ZNF138: variants seen among roughly 807,000 people sequenced by gnomAD.
ZNF138 encodes the protein zinc finger protein 138.
ZNF138 carries 33 observed loss-of-function variants against 33.0 expected under a neutral mutation model. The observed-to-expected ratio is 1.00, with a 90% CI of 0.76 to 1.34. ZNF138 has a LOEUF of 1.34. ZNF138 is among the 40% of genes most tolerant of loss of function. The pLI, the probability that ZNF138 is intolerant of heterozygous loss-of-function variation, is 0.00. For synonymous variants in ZNF138, 139 were observed against 120.4 expected (o/e 1.15, Z -1.01); for missense variants, 360 against 370.8 (o/e 0.97, Z 0.24).
chr7:64,804,990 T>A (rs6964400), intron 1 of ZNF138, among the ~76,000 whole-genome samples: 150,075 of 152,286 alleles, frequency 0.99, 73,988 homozygotes, highest in East Asian at 1. Flanking sequence ...AGACCCTATT[T>A]CTATCCCATG....
At chr7:64,842,092 C>T in the ZNF138 span, among the ~76,000 whole-genome samples, 1 of 152,204 alleles carries the variant, frequency 6.6e-6, no homozygotes, top group Non-Finnish European at 1.5e-5. Context: ...GAAATGGAAT[C>T]TTGCTCTGTC....
chr7:64,806,615 T>C (rs947809038), intron 1 of ZNF138, among the ~76,000 whole-genome samples: 1 of 152,210 alleles, frequency 6.6e-6, no homozygotes, highest in Non-Finnish European at 1.5e-5. Context: ...GCAAATTCTT[T>C]TAGTTACAAG....
At chr7:64,821,911 T>C (rs1046487012) in intron 3 of ZNF138, among the ~76,000 whole-genome samples, 6 of 123,900 alleles carry the variant, frequency 4.8e-5, no homozygotes, top group South Asian at 2.6e-4. Flanking sequence ...TTTGCAAATA[T>C]TGTCTTTTTT....
chr7:64,808,795 T>C (rs1187292179), intron 1 of ZNF138, among the ~76,000 whole-genome samples: 3 of 125,018 alleles, frequency 2.4e-5, no homozygotes, highest in African/African-American at 5.2e-5. Flanking sequence ...GTGATGACTC[T>C]TAGCTGCCTT....
chr7:64,821,991 T>C, intron 3 of ZNF138, among the ~76,000 whole-genome samples: 1 of 140,760 alleles, frequency 7.1e-6, no homozygotes, highest in Non-Finnish European at 1.5e-5. Context: ...CGATCTCAGC[T>C]CACTGCAAGC....
intron 1 of ZNF138, among the ~76,000 whole-genome samples, chr7:64,800,091 G>C (rs538973530): frequency 6.6e-6 from 1 of 152,330 alleles, no homozygotes; most frequent in East Asian, 1.9e-4. Flanking sequence ...ACAGAAAAGA[G>C]AAGAACTTTT....
chr7:64,798,140 C>G (rs1198430328), intron 1 of ZNF138, among the ~76,000 whole-genome samples: 2 of 152,128 alleles, frequency 1.3e-5, no homozygotes, highest in African/African-American at 4.8e-5. Flanking sequence ...GGGGTTTTGC[C>G]ATATTGGCCA....
intron 1 of ZNF138, among the ~76,000 whole-genome samples, chr7:64,812,850 CTTTTT>C (rs34197599): frequency 7.7e-5 from 11 of 142,060 alleles, no homozygotes; most frequent in Admixed American, 1.4e-4. Flanking sequence ...AAAAAATTGC[CTTTTT>C]TTTTTTTTTT....
the ZNF138 span, among the ~76,000 whole-genome samples, chr7:64,850,246 G>A: frequency 6.6e-6 from 1 of 152,178 alleles, no homozygotes; most frequent in African/African-American, 2.4e-5. Context: ...GTGTTCAAGG[G>A]CAGACTATCC....
At chr7:64,845,428 C>T in the ZNF138 span, among the ~76,000 whole-genome samples, 9 of 152,094 alleles carry the variant, frequency 5.9e-5, no homozygotes, top group South Asian at 6.2e-4. Context: ...CTTTTTGCTC[C>T]GGGTAGACAC....
the ZNF138 span, among the ~76,000 whole-genome samples, chr7:64,847,326 A>G: frequency 1.8e-5 from 2 of 112,376 alleles, no homozygotes; most frequent in East Asian, 2.5e-4. Flanking sequence ...ATATATATAT[A>G]TATATATTTT....
rs1220475685 is a variant in ZNF138, at chr7:64,833,494, AGT to A, written c.*1296_*1297del. The A allele has an allele frequency of 6.2e-6, 1 of 160,870 alleles. No homozygotes were observed. Among genetic ancestry groups the A allele is most frequent in the East Asian group, 1.9e-4 (1 of 5,320 alleles). 10.0% of individuals were successfully genotyped at this position (160,870 alleles called of 1,614,324 possible). A position where few individuals can be genotyped will look rare whatever the true frequency, so the allele number is the denominator to read the frequency against. Reference sequence around the variant, plus strand: ...ATTCATACTGGCAGAAACTCCCAGAAGTGTGAAGAATATGGCAAAACTTTAAT... The same window carrying A: ...ATTCATACTGGCAGAAACTCCCAGAAGTGAAGAATATGGCAAAACTTTAAT... On this transcript the variant is annotated 3_prime_UTR_variant, in exon 4 of 4. Coordinates refer to ENST00000307355, the MANE Select transcript of ZNF138 (RefSeq NM_001271639.2).
intron 1 of ZNF138, among the ~76,000 whole-genome samples, chr7:64,799,986 T>C (rs1284411732): frequency 6.6e-6 from 1 of 152,230 alleles, no homozygotes; most frequent in Non-Finnish European, 1.5e-5. Context: ...GCTTGGATGC[T>C]GCTGATGTAC....
At chr7:64,808,351 C>T (rs1360205106) in intron 1 of ZNF138, among the ~76,000 whole-genome samples, 1 of 152,148 alleles carries the variant, frequency 6.6e-6, no homozygotes, top group Non-Finnish European at 1.5e-5. Context: ...GCTTGCATTT[C>T]CTATGGCCAT....
chr7:64,811,192 A>G (rs975396802), intron 1 of ZNF138, among the ~76,000 whole-genome samples: 1 of 152,194 alleles, frequency 6.6e-6, no homozygotes, highest in African/African-American at 2.4e-5. Context: ...TTCTAAATCC[A>G]GGGAATTATT....
chr7:64,815,484 C>A, intron 2 of ZNF138, 92 bp from the exon 3 acceptor site: 2 of 1,082,274 alleles, frequency 1.8e-6, no homozygotes, highest in Non-Finnish European at 2.7e-6. Flanking sequence ...ATTCTCTTTA[C>A]TGAGCACATT....
chr7:64,835,614 A>G (rs995845997), downstream of ZNF138: 1 of 151,786 alleles, frequency 6.6e-6, no homozygotes, highest in African/African-American at 2.4e-5. Context: ...ACACGTTGAG[A>G]TAATAGCAGC....
At chr7:64,829,068 T>C (rs1002459798) in intron 3 of ZNF138, among the ~76,000 whole-genome samples, 1 of 152,142 alleles carries the variant, frequency 6.6e-6, no homozygotes, top group Admixed American at 6.5e-5. Flanking sequence ...TAGAAAGTGA[T>C]CTATACAAAT....
the ZNF138 span, among the ~76,000 whole-genome samples, chr7:64,857,951 A>G: frequency 2.4e-3 from 363 of 152,346 alleles, 4 homozygotes; most frequent in Admixed American, 0.02. Context: ...ATATTGTAGA[A>G]CTATAGATGA....
Sources: allele counts gnomAD v4.1 joint callset (sites outside exome capture counted in the v4.1 genomes callset), GRCh38; gene constraint gnomAD v4.1.1; transcripts MANE v1.5; gene names NCBI Gene and HGNC (gene_info 2026-07-23, HGNC 2026-07-21).